The following FGD6 variants were observed in gnomAD, a reference collection of about 807,000 sequenced individuals.
The protein encoded by FGD6 is FYVE, RhoGEF and PH domain-containing protein 6.
A neutral mutation model predicts 149.4 loss-of-function variants in FGD6; 90 were observed. The observed-to-expected ratio is 0.60, with a 90% CI of 0.51 to 0.72. FGD6 has a LOEUF of 0.72. FGD6 is among the 30% of genes least tolerant of loss of function. The pLI is 0.00. For missense variants in FGD6, 1,437 were observed against 1,684.8 expected, an observed-to-expected ratio of 0.85 and a Z score of 2.57; for synonymous variants, 527 against 584.0, an observed-to-expected ratio of 0.90 and a Z score of 1.41.
intron 13 of FGD6, 48 bp downstream of exon 13, chr12:95,106,906 A>AC: frequency 6.0e-6 from 8 of 1,332,424 alleles, no homozygotes; most frequent in Non-Finnish European, 8.1e-6. Flanking sequence ...ACAAAACAAA[A>AC]CAAAACAAAA....
chr12:95,166,710 A>T (rs536222139), intron 3 of FGD6, among the ~76,000 whole-genome samples: 8 of 152,236 alleles, frequency 5.3e-5, no homozygotes, highest in African/African-American at 1.9e-4. Context: ...CTCAAAAAAA[A>T]TAAATAAATA....
At chr12:95,104,061 T>G (rs1304271692) in intron 14 of FGD6, among the ~76,000 whole-genome samples, 3 of 152,178 alleles carry the variant, frequency 2.0e-5, no homozygotes, top group Non-Finnish European at 4.4e-5. Flanking sequence ...AATAGCCACT[T>G]AAAAAATGAT....
intron 14 of FGD6, among the ~76,000 whole-genome samples, chr12:95,100,068 C>G (rs76480430): frequency 1.5e-4 from 15 of 99,558 alleles, no homozygotes; most frequent in Admixed American, 5.6e-4. Context: ...CCCCCCCCCC[C>G]ACCCCATATA....
intron 2 of FGD6, among the ~76,000 whole-genome samples, chr12:95,199,733 T>C (rs778434935): frequency 6.6e-6 from 1 of 151,616 alleles, no homozygotes; most frequent in Non-Finnish European, 1.5e-5. Context: ...GCCTCCTGAG[T>C]AGCTGGGACT....
Position 95,076,931 on chromosome 12 carries a change from C to G in FGD6, c.*4589G>C, listed in dbSNP as rs146186736. The G allele has an allele frequency of 6.6e-6, 1 of 151,828 alleles. No homozygotes were observed. The highest frequency in any genetic ancestry group is 2.4e-5 in the African/African-American group (1 of 41,400). 9.4% of individuals were successfully genotyped at this position (151,828 alleles called of 1,614,324 possible). ...AACGATATTTCAAGATTGGTTCTTACATGCTATGACCAACTCATATGAAAG... is the reference window on the plus strand; with the variant it reads ...AACGATATTTCAAGATTGGTTCTTAGATGCTATGACCAACTCATATGAAAG... On this transcript the variant is annotated 3_prime_UTR_variant, in exon 21 of 21. Transcript: ENST00000343958.
intron 3 of FGD6, among the ~76,000 whole-genome samples, chr12:95,171,105 CT>C (rs199688682): frequency 3.1e-4 from 47 of 152,090 alleles, no homozygotes; most frequent in Non-Finnish European, 6.5e-4. Flanking sequence ...GAGTACTATT[CT>C]TTTTTTTATC....
At chr12:95,185,821 A>C (rs966198191) in intron 2 of FGD6, among the ~76,000 whole-genome samples, 2 of 152,214 alleles carry the variant, frequency 1.3e-5, no homozygotes, top group African/African-American at 2.4e-5. Flanking sequence ...AGATTGCACC[A>C]TTGCACTCCA....
chr12:95,184,928 C>T lies in FGD6; in HGVS notation c.2442-12184G>A, dbSNP rs377232120. 4.7e-5 allele frequency among the ~76,000 whole-genome samples: 7 copies of T among 149,748 alleles called. No homozygotes were observed. In the East Asian group the frequency reaches 1.0e-3, roughly 21 times the overall value. On this transcript the variant is annotated intron_variant, in intron 2 of 20. Transcript: ENST00000343958. ...TCACTCTGTCATCCAGACTGGAGTGCAGTGGTGCGATCTTGGCTTACTGCA... is the reference window on the plus strand; with the variant it reads ...TCACTCTGTCATCCAGACTGGAGTGTAGTGGTGCGATCTTGGCTTACTGCA...
At chr12:95,207,136 C>T (rs1034202536) in intron 2 of FGD6, among the ~76,000 whole-genome samples, 2 of 151,924 alleles carry the variant, frequency 1.3e-5, no homozygotes, top group Non-Finnish European at 2.9e-5. Context: ...GGCGGTTTTC[C>T]CCCAAGCTGC....
intron 2 of FGD6, among the ~76,000 whole-genome samples, chr12:95,175,792 T>A (rs1240474765): frequency 2.3e-5 from 3 of 129,974 alleles, no homozygotes; most frequent in South Asian, 2.4e-4. Context: ...AGAGTGAGAC[T>A]CTGTCTCAAA....
At chr12:95,178,613 A>G (rs1881196372) in intron 2 of FGD6, among the ~76,000 whole-genome samples, 1 of 152,196 alleles carries the variant, frequency 6.6e-6, no homozygotes, top group Admixed American at 6.5e-5. Flanking sequence ...TTGATTTTTA[A>G]TCTTCTCTTC....
intron 1 of FGD6, among the ~76,000 whole-genome samples, chr12:95,216,214 C>T (rs2056773915): frequency 6.6e-6 from 1 of 152,158 alleles, no homozygotes; most frequent in African/African-American, 2.4e-5. Context: ...CATTTGAGTG[C>T]TGTTGGACAG....
rs370888573 is a variant in FGD6 at position 95,160,359 on chromosome 12, A to C, written c.2587-7366T>G. The stretch of plus-strand genomic sequence containing the variant: ...ACCCACACAATGGCTATAATAAAAA[A>C]ACAAACAAACAGTAAATACCTAGTG... On this transcript the variant is annotated intron_variant, in intron 3 of 20. Coordinates refer to ENST00000343958, the MANE Select transcript of FGD6 (RefSeq NM_018351.4). Among the ~76,000 whole-genome samples the C allele has an allele frequency of 5.5e-4, 84 of 152,312 alleles. 1 individual carries two copies. The highest frequency in any genetic ancestry group is 1.9e-3 in the African/African-American group (79 of 41,572).
intron 2 of FGD6, among the ~76,000 whole-genome samples, chr12:95,179,789 T>C (rs746117509): frequency 6.6e-6 from 1 of 152,178 alleles, no homozygotes; most frequent in African/African-American, 2.4e-5. Flanking sequence ...ATATAATGAA[T>C]TACTAAACAG....
chr12:95,144,524 C>T (rs1255498496), intron 5 of FGD6, among the ~76,000 whole-genome samples: 2 of 151,764 alleles, frequency 1.3e-5, no homozygotes, highest in Non-Finnish European at 2.9e-5. Flanking sequence ...TCTTGAGTAG[C>T]TGGGATTACA....
intron 14 of FGD6, among the ~76,000 whole-genome samples, chr12:95,104,125 G>A (rs1033794667): frequency 6.6e-6 from 1 of 152,124 alleles, no homozygotes; most frequent in Admixed American, 6.5e-5. Flanking sequence ...TTTAATCTCT[G>A]TGCTTCTAGC....
intron 5 of FGD6, among the ~76,000 whole-genome samples, chr12:95,149,330 A>AATATATTATATAATATATAGC (rs1555220322): frequency 0.13 from 12,008 of 90,448 alleles, 1,749 homozygotes; most frequent in Non-Finnish European, 0.16. Flanking sequence ...TATATTATAT[A>AATATATTATATAATATATAGC]ATATATTATA....
chr12:95,128,405 T>G lies in FGD6; in HGVS notation c.3082+6334A>C, dbSNP rs7305263. ...GTGTGTGCCACCACACCCAGCTAAT[T>G]TTTAAATTTTTCTTTTGTAGAGACA... On this transcript the variant is annotated intron_variant, in intron 8 of 20. Coordinates refer to ENST00000343958, the MANE Select transcript of FGD6 (RefSeq NM_018351.4). Among the ~76,000 whole-genome samples the G allele has an allele frequency of 3.9e-3, 597 of 152,176 alleles. 4 individuals are homozygous for G. The highest frequency in any genetic ancestry group is 0.012 in the African/African-American group (508 of 41,516).
At chr12:95,206,995 C>CT (rs1211978834) in intron 2 of FGD6, among the ~76,000 whole-genome samples, 1,553 of 141,360 alleles carry the variant, frequency 0.011, 9 homozygotes, top group Non-Finnish European at 0.016. Context: ...CCCAACAATG[C>CT]TTTTTTTTTT....
Sources: allele counts gnomAD v4.1 joint callset (sites outside exome capture counted in the v4.1 genomes callset), GRCh38; gene constraint gnomAD v4.1.1; transcripts MANE v1.5; gene names NCBI Gene and HGNC (gene_info 2026-07-23, HGNC 2026-07-21).